The following SMARCD3 variants were observed in gnomAD, a reference collection of about 807,000 sequenced individuals.
SMARCD3 encodes SWI/SNF related BAF chromatin remodeling complex subunit D3, also known as SWI/SNF-related matrix-associated actin-dependent regulator of chromatin subfamily D member 3.
In SMARCD3, 14 loss-of-function variants were observed where a neutral mutation model predicts 58.0. The ratio of observed to expected loss-of-function variants is 0.24; its 90% CI spans 0.16 to 0.38. SMARCD3 has a LOEUF of 0.38. Among genes scored for constraint, SMARCD3 ranks in the 10% least tolerant of loss-of-function variants. SMARCD3 has a pLI of 1.00. For missense variants in SMARCD3, 408 were observed against 636.9 expected, an observed-to-expected ratio of 0.64 and a Z score of 3.87; for synonymous variants, 253 against 253.8, an observed-to-expected ratio of 1.00 and a Z score of 0.03.
intron 2 of SMARCD3, among the ~76,000 whole-genome samples, chr7:151,261,663 G>A (rs1803921779): frequency 6.6e-6 from 1 of 152,208 alleles, no homozygotes; most frequent in South Asian, 2.1e-4. Context: ...TGGATTCCCT[G>A]TGGCCTTGGC....
Position 151,245,545 on chromosome 7 carries a change from G to T in SMARCD3, c.205C>A (p.Arg69Ser). Residue 69 changes from arginine (R) to serine (S), a missense_variant, in exon 2 of 13, where the codon CGC (arginine) becomes AGC (serine). By Grantham distance (110) the Arg-to-Ser change is moderately radical (BLOSUM62 -1). Coordinates refer to ENST00000262188, the MANE Select transcript of SMARCD3 (RefSeq NM_001003801.2). The surrounding 1 kb of genome is among the most constrained non-coding windows in gnomAD (Gnocchi z 6.2). Reference protein sequence around the residue: ...GLAPAGMEPARKRAAPPPGQS... With the variant: ...GLAPAGMEPASKRAAPPPGQS... ...CCGGGCGGGGGCGCTGCTCGCTTGC[G>T]GGCGGGCTCCATGCCCGCGGGGGCC... 1 of 1,215,724 alleles carries T rather than the reference G, an allele frequency of 8.2e-7. No individual in the cohort carries two copies. Among genetic ancestry groups the T allele is most frequent in the Non-Finnish European group, 1.0e-6 (1 of 975,098 alleles). 75.3% of individuals were successfully genotyped at this position (1,215,724 alleles called of 1,614,324 possible). A position where few individuals can be genotyped will look rare whatever the true frequency, so the allele number is the denominator to read the frequency against.
intron 2 of SMARCD3, among the ~76,000 whole-genome samples, chr7:151,244,012 A>C (rs1803134082): frequency 6.6e-6 from 1 of 152,224 alleles, no homozygotes; most frequent in Admixed American, 6.5e-5. Flanking sequence ...TGCGAGCTGC[A>C]GAAGTGTTTG....
In SMARCD3 at chr7:151,246,433, CAAGGG is replaced by C. The variant is rs1427963889; in HGVS notation, c.79-767_79-763del. Among the ~76,000 whole-genome samples the C allele has an allele frequency of 1.3e-5, 2 of 152,140 alleles. No individual in the cohort carries two copies. The highest frequency in any genetic ancestry group is 3.9e-4 in the East Asian group (2 of 5,170). On this transcript the variant is annotated intron_variant, in intron 1 of 12. Coordinates refer to ENST00000262188, the MANE Select transcript of SMARCD3 (RefSeq NM_001003801.2). The surrounding 1 kb of genome is among the most constrained non-coding windows in gnomAD (Gnocchi z 4.4). ...GGGTGAGGGCTGGAGGCAGGGCAGGCAAGGGCAGCCTGCTGGGGCGCCCCAGACAC... is the reference window on the plus strand; with the variant it reads ...GGGTGAGGGCTGGAGGCAGGGCAGGCCAGCCTGCTGGGGCGCCCCAGACAC...
Position 151,239,894 on chromosome 7 carries a change from G to T in SMARCD3, c.1174-148C>A, listed in dbSNP as rs145896276. On this transcript the variant is annotated intron_variant, in intron 10 of 12. Transcript: ENST00000262188. This position sits in a 1 kb window ranked among gnomAD's most constrained non-coding sequence, Gnocchi z 7.0. ...CCCTGATTTCTCTGAAGTCCCAGGGGAGGAGGGGATGGGCAGAACTAAACT... is the reference window on the plus strand; with the variant it reads ...CCCTGATTTCTCTGAAGTCCCAGGGTAGGAGGGGATGGGCAGAACTAAACT... 1 of 989,880 alleles carries T rather than the reference G, an allele frequency of 1.0e-6. No individual in the cohort carries two copies. The highest frequency in any genetic ancestry group is 1.6e-5 in the South Asian group (1 of 62,990). The allele number at this position is 989,880 out of a possible 1,614,324, so 61.3% of individuals were successfully genotyped here.
intron 2 of SMARCD3, among the ~76,000 whole-genome samples, chr7:151,258,020 C>T (rs187800656): frequency 5.0e-4 from 76 of 152,232 alleles, no homozygotes; most frequent in African/African-American, 1.8e-3. Flanking sequence ...TGCCTCAAAC[C>T]CCATCCTCCG....
chr7:151,266,145 T>C (rs889389797), intron 2 of SMARCD3, among the ~76,000 whole-genome samples: 25 of 152,128 alleles, frequency 1.6e-4, no homozygotes, highest in African/African-American at 5.8e-4. Flanking sequence ...AATTTTTATA[T>C]TTTTAGTAGA....
At chr7:151,265,436 T>C (rs1239229407) in intron 2 of SMARCD3, among the ~76,000 whole-genome samples, 5 of 152,210 alleles carry the variant, frequency 3.3e-5, no homozygotes, top group African/African-American at 1.2e-4. Flanking sequence ...CCTCCGACAC[T>C]GGGACCAGGA....
chr7:151,265,959 A>G (rs542782758), intron 2 of SMARCD3, among the ~76,000 whole-genome samples: 2 of 152,134 alleles, frequency 1.3e-5, no homozygotes, highest in South Asian at 4.2e-4. Context: ...TTTAACCTCA[A>G]TTTTTTCTTT....
At chr7:151,252,488 A>T (rs949965606), upstream of SMARCD3, among the ~76,000 whole-genome samples, 1 of 150,462 alleles carries the variant, frequency 6.6e-6, no homozygotes, top group Middle Eastern at 3.2e-3. Context: ...GAGAGAGAGA[A>T]AGAAAGAGAG....
Position 151,243,694 on chromosome 7 carries a change from T to C in SMARCD3, c.298A>G (p.Arg100Gly). The change falls in exon 3 of 13, where the codon AGG becomes GGG. Residue 100 changes from arginine (R) to glycine (G), a missense_variant. Around this residue, in one of 4 missense-constraint regions of SMARCD3, gnomAD observed 128 missense variants for 188.8 expected, o/e 0.68. Coordinates refer to ENST00000262188, the MANE Select transcript of SMARCD3 (RefSeq NM_001003801.2). This position sits in a 1 kb window ranked among gnomAD's most constrained non-coding sequence, Gnocchi z 4.4. ...AGGATTTTGTCAGCCATCTTCCTCC[T>C]CTTGGCACTGTACATTTTTTAAAGA... ...TAPARSRSAK[R>G]RKMADKILPQ... is the part of the protein sequence containing the mutation. 1 of 1,610,938 alleles carries C rather than the reference T, an allele frequency of 6.2e-7. No individual in the cohort carries two copies. Among genetic ancestry groups the C allele is most frequent in the Non-Finnish European group, 8.5e-7 (1 of 1,177,142 alleles).
At position 151,243,810 on chromosome 7, in the gene SMARCD3, CA is replaced by C; in HGVS notation, c.291-110del. On this transcript the variant is annotated intron_variant, in intron 2 of 12. Coordinates refer to ENST00000262188, the MANE Select transcript of SMARCD3 (RefSeq NM_001003801.2). The surrounding 1 kb of genome is among the most constrained non-coding windows in gnomAD (Gnocchi z 4.4). ...TCTCCGCCCGCCTGGCTGGGGTTCC[CA>C]CAGCCCACTTGTCTGCCCGCCCAAG... 4.8e-6 allele frequency: 4 copies of C among 824,748 alleles called. No individual in the cohort carries two copies. Among genetic ancestry groups the C allele is most frequent in the South Asian group, 1.4e-5 (1 of 73,872 alleles). The allele number at this position is 824,748 out of a possible 1,614,324, so 51.1% of individuals were successfully genotyped here. A position where few individuals can be genotyped will look rare whatever the true frequency, so the allele number is the denominator to read the frequency against.
chr7:151,273,488 C>T (rs1176493772), intron 2 of SMARCD3, among the ~76,000 whole-genome samples: 1 of 152,242 alleles, frequency 6.6e-6, no homozygotes, highest in South Asian at 2.1e-4. Flanking sequence ...CAGCCTGCCC[C>T]CCGTTCAACC....
chr7:151,266,087 C>T (rs970863008), intron 2 of SMARCD3, among the ~76,000 whole-genome samples: 7 of 151,956 alleles, frequency 4.6e-5, no homozygotes, highest in Admixed American at 2.0e-4. Flanking sequence ...CTCATGCCTC[C>T]GCCTCCTGAG....
At chr7:151,261,381 C>A (rs186136662) in intron 2 of SMARCD3, among the ~76,000 whole-genome samples, 1 of 152,186 alleles carries the variant, frequency 6.6e-6, no homozygotes, top group African/African-American at 2.4e-5. Flanking sequence ...GGGTTGAGAA[C>A]CACAGCCCTT....
At position 151,242,714 on chromosome 7, in the gene SMARCD3, A is replaced by G. The variant is rs1803060656; in HGVS notation, c.456+7T>C. ...AGAGTCCCCTTCCTACCCCCGAACT[A>G]AGGCACCTTCATGGGCCTCTTCAGA... On this transcript the variant is annotated splice_region_variant and intron_variant, in intron 4 of 12. Coordinates refer to ENST00000262188, the MANE Select transcript of SMARCD3 (RefSeq NM_001003801.2). The surrounding 1 kb of genome is among the most constrained non-coding windows in gnomAD (Gnocchi z 4.7). 1 of 1,613,532 alleles carries G rather than the reference A, an allele frequency of 6.2e-7. No individual in the cohort carries two copies. Among genetic ancestry groups the G allele is most frequent in the Non-Finnish European group, 8.5e-7 (1 of 1,179,916 alleles).
intron 2 of SMARCD3, among the ~76,000 whole-genome samples, chr7:151,254,829 T>C (rs1351746261): frequency 6.6e-6 from 1 of 152,170 alleles, no homozygotes; most frequent in Non-Finnish European, 1.5e-5. Flanking sequence ...TGAACAGGTG[T>C]TTAGGGGGAT....
chr7:151,242,343 C>T lies in SMARCD3; in HGVS notation c.580-111G>A, dbSNP rs1803036644. 7.0e-7 allele frequency: 1 copy of T among 1,425,332 alleles called. No individual in the cohort carries two copies. The highest frequency in any genetic ancestry group is 9.8e-7 in the Non-Finnish European group (1 of 1,015,810). The allele number at this position is 1,425,332 out of a possible 1,614,324, so 88.3% of individuals were successfully genotyped here. On this transcript the variant is annotated intron_variant, in intron 5 of 12. Transcript: ENST00000262188. This position sits in a 1 kb window ranked among gnomAD's most constrained non-coding sequence, Gnocchi z 4.7. Reference sequence around the variant, plus strand: ...CAGTGGGCTTAGATGAAATCCTCTGCACTTGGAATGTCTCTAGGCCTGCCC... The same window carrying T: ...CAGTGGGCTTAGATGAAATCCTCTGTACTTGGAATGTCTCTAGGCCTGCCC...
At position 151,267,969 on chromosome 7, in the gene SMARCD3, T is replaced by A. The variant is rs562694444; in HGVS notation, c.39+7145A>T. ...TCCAGCCTAGGCGACAGAGCTGAGA[T>A]CCTGTCTCATAAATAAATAAACAAA... On this transcript the variant is annotated intron_variant, in intron 2 of 13. Transcript: ENST00000356800. 2.6e-4 allele frequency among the ~76,000 whole-genome samples: 40 copies of A among 152,300 alleles called. 2 individuals are homozygous for A. In the South Asian group the frequency reaches 7.9e-3, roughly 30 times the overall value.
At chr7:151,272,276 G>T (rs1795197450) in intron 2 of SMARCD3, among the ~76,000 whole-genome samples, 1 of 152,100 alleles carries the variant, frequency 6.6e-6, no homozygotes, top group Non-Finnish European at 1.5e-5. Flanking sequence ...CTTCTCTGCT[G>T]GCATCGGGGT....
Sources: gnomAD v4.1 joint callset for allele counts (sites outside exome capture counted in the v4.1 genomes callset) on GRCh38, gnomAD v4.1.1 for gene constraint, gnomAD v4.1.1 regional missense constraint, Gnocchi (gnomAD v3.1) non-coding constraint, MANE v1.5 for transcripts, NCBI Gene and HGNC (gene_info 2026-07-23, HGNC 2026-07-21) for gene names.